The following DDAH1 variants were observed in gnomAD, a reference collection of about 807,000 sequenced individuals.
DDAH1 encodes the protein N(G),N(G)-dimethylarginine dimethylaminohydrolase 1.
DDAH1 carries 19 observed loss-of-function variants against 28.8 expected under a neutral mutation model. That is an observed-to-expected ratio of 0.66 (90% CI 0.46 to 0.97). The LOEUF is 0.97. DDAH1 is among the 50% of genes least tolerant of loss of function. DDAH1 has a pLI of 0.00. For missense variants in DDAH1, 326 were observed against 375.9 expected (o/e 0.87, Z 1.10); for synonymous variants, 153 against 154.4 (o/e 0.99, Z 0.07).
At chr1:85,348,863 G>A (rs745781799) in intron 4 of DDAH1, among the ~76,000 whole-genome samples, 6 of 152,146 alleles carry the variant, frequency 3.9e-5, no homozygotes, top group Non-Finnish European at 8.8e-5. Context: ...TTGAGTTAGG[G>A]ACCTGATCTA....
In DDAH1 at chr1:85,431,161, T is replaced by C. The variant is rs1195792153; in HGVS notation, c.303+33582A>G. Among the ~76,000 whole-genome samples, 4 of 152,200 alleles carry C rather than the reference T, an allele frequency of 2.6e-5. No individual in the cohort carries two copies. In the East Asian group the frequency reaches 7.7e-4, roughly 29 times the overall value. On this transcript the variant is annotated intron_variant, in intron 1 of 5. Coordinates refer to ENST00000284031, the MANE Select transcript of DDAH1 (RefSeq NM_012137.4). The stretch of plus-strand genomic sequence containing the variant: ...TGTATTGAGATAATCATGTGGTTTT[T>C]GTCATTGGTTCTGTTTATGTGATGG...
intron 4 of DDAH1, among the ~76,000 whole-genome samples, chr1:85,327,706 T>C (rs1647495559): frequency 6.6e-6 from 1 of 152,110 alleles, no homozygotes; most frequent in Non-Finnish European, 1.5e-5. Context: ...TGAGCCTCAA[T>C]TCCCTCAGCA....
At chr1:85,448,394 G>A (rs561344461) in intron 1 of DDAH1, among the ~76,000 whole-genome samples, 2 of 152,300 alleles carry the variant, frequency 1.3e-5, no homozygotes, top group Non-Finnish European at 2.9e-5. Flanking sequence ...GAATTATTAA[G>A]AGTGAGAGGT....
intron 1 of DDAH1, among the ~76,000 whole-genome samples, chr1:85,390,702 C>T (rs897820604): frequency 6.6e-6 from 1 of 152,130 alleles, no homozygotes; most frequent in African/African-American, 2.4e-5. Context: ...TTCTTGAGCA[C>T]TGAGATCTTA....
chr1:85,358,981 C>T (rs1022288625), intron 1 of DDAH1, 134 bp from the exon 2 acceptor site: 1 of 560,582 alleles, frequency 1.8e-6, no homozygotes, highest in African/African-American at 1.9e-5. Flanking sequence ...ACACACCCAT[C>T]CTTGTGAATA....
intron 1 of DDAH1, among the ~76,000 whole-genome samples, chr1:85,404,882 T>C (rs1652334110): frequency 6.6e-6 from 1 of 152,254 alleles, no homozygotes; most frequent in Admixed American, 6.5e-5. Context: ...TGGACTTTCT[T>C]TGAGGGAACG....
chr1:85,372,302 T>G (rs528249925), intron 1 of DDAH1, among the ~76,000 whole-genome samples: 1 of 152,300 alleles, frequency 6.6e-6, no homozygotes, highest in Non-Finnish European at 1.5e-5. Context: ...CCAACCATAG[T>G]TGTACAAAAT....
At chr1:85,577,794 A>G (rs1224896546) in intron 1 of DDAH1, among the ~76,000 whole-genome samples, 1 of 152,004 alleles carries the variant, frequency 6.6e-6, no homozygotes, top group Admixed American at 6.6e-5. Flanking sequence ...CGGTTGAGAG[A>G]CGTCCCCATC....
At chr1:85,404,381 C>T (rs1261441286) in intron 1 of DDAH1, 1 of 1,534,986 alleles carries the variant, frequency 6.5e-7, no homozygotes, top group African/African-American at 1.4e-5. Flanking sequence ...TTGTCCTTAC[C>T]ATAGCTGACT....
At chr1:85,423,689 CTTTTT>C (rs1013331210) in intron 1 of DDAH1, among the ~76,000 whole-genome samples, 1 of 152,106 alleles carries the variant, frequency 6.6e-6, no homozygotes, top group Non-Finnish European at 1.5e-5. Flanking sequence ...GTTGTGTTTT[CTTTTT>C]TGTCAGTTCT....
intron 1 of DDAH1, among the ~76,000 whole-genome samples, chr1:85,571,553 G>C (rs562068890): frequency 2.0e-5 from 3 of 152,330 alleles, no homozygotes; most frequent in Admixed American, 6.5e-5. Flanking sequence ...TAGGCAGCTA[G>C]AGCCATGAAG....
chr1:85,322,016 T>C (rs1375195115), intron 5 of DDAH1, among the ~76,000 whole-genome samples: 1 of 152,130 alleles, frequency 6.6e-6, no homozygotes, highest in East Asian at 1.9e-4. Flanking sequence ...CAGGCTCAAG[T>C]GATCCTCCCA....
intron 1 of DDAH1, among the ~76,000 whole-genome samples, chr1:85,547,195 A>T (rs1053062574): frequency 6.6e-6 from 1 of 152,172 alleles, no homozygotes; most frequent in Admixed American, 6.5e-5. Context: ...AACTTCACTG[A>T]GCCTCAATGT....
At chr1:85,451,485 A>G (rs1255657586) in intron 1 of DDAH1, among the ~76,000 whole-genome samples, 2 of 152,160 alleles carry the variant, frequency 1.3e-5, no homozygotes. Context: ...AACACTACAG[A>G]TGATGAAAGT....
At chr1:85,438,227 T>C (rs1296754879) in intron 1 of DDAH1, among the ~76,000 whole-genome samples, 1 of 152,144 alleles carries the variant, frequency 6.6e-6, no homozygotes, top group Non-Finnish European at 1.5e-5. Flanking sequence ...ACTAACTTTA[T>C]GCTCAGTACC....
intron 1 of DDAH1, among the ~76,000 whole-genome samples, chr1:85,416,678 C>CT (rs1164596010): frequency 6.6e-6 from 1 of 151,738 alleles, no homozygotes; most frequent in Non-Finnish European, 1.5e-5. Flanking sequence ...TTCTTTTTTT[C>CT]TTTTTTTGAA....
chr1:85,471,430 G>A (rs909594005), intron 2 of DDAH1, among the ~76,000 whole-genome samples: 4 of 152,046 alleles, frequency 2.6e-5, no homozygotes, highest in African/African-American at 9.7e-5. Flanking sequence ...TTTTACCAGG[G>A]CCCTCACTTA....
intron 1 of DDAH1, among the ~76,000 whole-genome samples, chr1:85,405,530 G>A (rs1462613730): frequency 1.3e-5 from 2 of 152,038 alleles, no homozygotes; most frequent in African/African-American, 2.4e-5. Flanking sequence ...AAAAGTCGTG[G>A]TCTGGATCAA....
intron 4 of DDAH1, among the ~76,000 whole-genome samples, chr1:85,331,419 A>ATATC: frequency 8.2e-6 from 1 of 121,724 alleles, no homozygotes; most frequent in South Asian, 2.5e-4. Context: ...TTATATTCAT[A>ATATC]TATGTATATA....
Sources: allele counts gnomAD v4.1 joint callset (sites outside exome capture counted in the v4.1 genomes callset), GRCh38; gene constraint gnomAD v4.1.1; transcripts MANE v1.5; gene names NCBI Gene and HGNC (gene_info 2026-07-23, HGNC 2026-07-21).